Variants in THSD4 observed in about 807,000 individuals in gnomAD.
THSD4 encodes thrombospondin type 1 domain containing 4.
THSD4 carries 69 observed loss-of-function variants against 119.0 expected under a neutral mutation model. The ratio of observed to expected loss-of-function variants is 0.58; its 90% CI spans 0.48 to 0.71. THSD4 has a LOEUF of 0.71. Among genes scored for constraint, THSD4 ranks in the 30% least tolerant of loss-of-function variants. The probability of loss-of-function intolerance (pLI) is 0.00; values close to 1 mark genes in which losing one functional copy is unlikely to be tolerated. For synonymous variants in THSD4, 524 were observed against 540.4 expected (o/e 0.97, Z 0.42); for missense variants, 1,393 against 1,391.1 (o/e 1.00, Z -0.02).
chr15:71,757,490 G>T (rs117595500), intron 14 of THSD4, among the ~76,000 whole-genome samples: 1 of 15,680 alleles, frequency 6.4e-5, no homozygotes, highest in South Asian at 2.6e-3. Flanking sequence ...GAGTGCAGTC[G>T]TGCAGTCATA....
intron 5 of THSD4, among the ~76,000 whole-genome samples, chr15:71,244,130 A>G (rs2044178995): frequency 6.6e-6 from 1 of 152,120 alleles, no homozygotes; most frequent in Non-Finnish European, 1.5e-5. Context: ...CTCCTTAACC[A>G]TGAGTTTGCT....
intron 7 of THSD4, among the ~76,000 whole-genome samples, chr15:71,486,890 C>T (rs887673946): frequency 2.6e-5 from 4 of 152,116 alleles, no homozygotes; most frequent in African/African-American, 9.7e-5. Context: ...TTTCGGGGTC[C>T]TGCAAAACCA....
intron 7 of THSD4, among the ~76,000 whole-genome samples, chr15:71,473,080 A>C (rs1451502262): frequency 6.9e-6 from 1 of 144,330 alleles, no homozygotes; most frequent in African/African-American, 2.6e-5. Flanking sequence ...TTTTTGAGAC[A>C]AAGTCTCACT....
chr15:71,775,146 CA>C (rs558621229), intron 17 of THSD4, among the ~76,000 whole-genome samples: 20 of 142,132 alleles, frequency 1.4e-4, no homozygotes, highest in South Asian at 4.4e-4. Flanking sequence ...AACTCCATCT[CA>C]AAAAAAAAAA....
At chr15:71,654,146 A>T (rs907119273) in intron 7 of THSD4, among the ~76,000 whole-genome samples, 2 of 152,172 alleles carry the variant, frequency 1.3e-5, no homozygotes, top group East Asian at 3.8e-4. Flanking sequence ...TGTTCTAATA[A>T]ATCTTTATTT....
chr15:71,459,160 C>CTTTTT (rs372209662), intron 7 of THSD4, among the ~76,000 whole-genome samples: 2 of 128,882 alleles, frequency 1.6e-5, no homozygotes, highest in African/African-American at 5.8e-5. Context: ...TTCTTTTTTT[C>CTTTTT]TTTTTTTTTT....
intron 7 of THSD4, among the ~76,000 whole-genome samples, chr15:71,530,013 G>A (rs2048584817): frequency 6.6e-6 from 1 of 152,172 alleles, no homozygotes; most frequent in Admixed American, 6.5e-5. Context: ...ATGGTGCTAG[G>A]TGGCAGTGCT....
chr15:71,637,401 GA>G (rs909385172), intron 7 of THSD4, among the ~76,000 whole-genome samples: 6 of 151,880 alleles, frequency 4.0e-5, no homozygotes, highest in African/African-American at 1.5e-4. Context: ...GCAAAGGAAA[GA>G]AAAAAAGGGA....
At chr15:71,606,661 C>G (rs928794440) in intron 7 of THSD4, among the ~76,000 whole-genome samples, 1 of 152,312 alleles carries the variant, frequency 6.6e-6, no homozygotes, top group Non-Finnish European at 1.5e-5. Flanking sequence ...CTGCCTCAGC[C>G]TCCCGAGTAG....
chr15:71,201,673 T>A (rs2043804530), intron 3 of THSD4, among the ~76,000 whole-genome samples: 1 of 152,198 alleles, frequency 6.6e-6, no homozygotes, highest in African/African-American at 2.4e-5. Context: ...TGTTTCTTCC[T>A]TGTCTAATGG....
intron 3 of THSD4, among the ~76,000 whole-genome samples, chr15:71,176,136 A>C (rs1462437417): frequency 6.7e-6 from 1 of 148,404 alleles, no homozygotes; most frequent in East Asian, 2.0e-4. Context: ...CACACATAAC[A>C]GTATTAACTT....
At chr15:71,106,822 G>T (rs993802056) in intron 1 of THSD4, among the ~76,000 whole-genome samples, 3 of 151,468 alleles carry the variant, frequency 2.0e-5, no homozygotes, top group Non-Finnish European at 4.4e-5. Flanking sequence ...CAGTGGGAAG[G>T]AACACGATGA....
At chr15:71,143,071 C>A (rs1457115928) in intron 2 of THSD4, among the ~76,000 whole-genome samples, 1 of 152,114 alleles carries the variant, frequency 6.6e-6, no homozygotes, top group Non-Finnish European at 1.5e-5. Flanking sequence ...TGCAGGCCTG[C>A]AATCCAAATA....
At chr15:71,582,265 T>C (rs947501447) in intron 7 of THSD4, among the ~76,000 whole-genome samples, 2 of 152,192 alleles carry the variant, frequency 1.3e-5, no homozygotes, top group African/African-American at 4.8e-5. Context: ...GATTGTTTTC[T>C]TCATTTCTTT....
intron 3 of THSD4, chr15:71,167,213 T>C (rs2043302039): frequency 6.6e-6 from 1 of 152,216 alleles, no homozygotes; most frequent in African/African-American, 2.4e-5. Flanking sequence ...AATGAGGAAA[T>C]GCTTATTAAA....
intron 6 of THSD4, among the ~76,000 whole-genome samples, chr15:71,297,982 T>A (rs1203883794): frequency 2.0e-5 from 3 of 152,196 alleles, no homozygotes; most frequent in Non-Finnish European, 2.9e-5. Flanking sequence ...CTTTCGTTGC[T>A]CATATTTTTG....
At chr15:71,654,209 C>A (rs1358978613) in intron 7 of THSD4, among the ~76,000 whole-genome samples, 2 of 152,116 alleles carry the variant, frequency 1.3e-5, no homozygotes, top group Non-Finnish European at 2.9e-5. Context: ...TTTGCTGACC[C>A]CTGATTTAGA....
chr15:71,162,789 T>A (rs1309126642), intron 3 of THSD4, among the ~76,000 whole-genome samples: 1 of 152,088 alleles, frequency 6.6e-6, no homozygotes, highest in South Asian at 2.1e-4. Context: ...TGGTGTCCCA[T>A]AAGTCCCATG....
chr15:71,578,772 C>G (rs11072303), intron 7 of THSD4, among the ~76,000 whole-genome samples: 96,023 of 151,464 alleles, frequency 0.63, 34,267 homozygotes, highest in Non-Finnish European at 0.8. Flanking sequence ...AAATAATGAA[C>G]ACTGTTTTAA....
Sources: allele counts gnomAD v4.1 joint callset (sites outside exome capture counted in the v4.1 genomes callset), GRCh38; gene constraint gnomAD v4.1.1; transcripts MANE v1.5; gene names NCBI Gene and HGNC (gene_info 2026-07-23, HGNC 2026-07-21).